The following PLCB4 variants were observed in gnomAD, a reference collection of about 807,000 sequenced individuals.
PLCB4 encodes 1-phosphatidylinositol 4,5-bisphosphate phosphodiesterase beta-4.
PLCB4 carries 77 observed loss-of-function variants against 178.8 expected under a neutral mutation model. The ratio of observed to expected loss-of-function variants is 0.43; its 90% CI spans 0.36 to 0.52. The LOEUF is 0.52. Among genes scored for constraint, PLCB4 ranks in the 20% least tolerant of loss-of-function variants. The pLI, the probability that PLCB4 is intolerant of heterozygous loss-of-function variation, is 0.00. For synonymous variants in PLCB4, 496 were observed against 490.8 expected, an observed-to-expected ratio of 1.01 and a Z score of -0.14; for missense variants, 1,024 against 1,453.4, an observed-to-expected ratio of 0.70 and a Z score of 4.80.
intron 28 of PLCB4, among the ~76,000 whole-genome samples, chr20:9,434,756 A>T (rs928499447): frequency 1.3e-5 from 2 of 152,208 alleles, no homozygotes; most frequent in African/African-American, 4.8e-5. Flanking sequence ...TGCCCCGTGT[A>T]CTGAGAATGT....
intron 2 of PLCB4, among the ~76,000 whole-genome samples, chr20:9,170,309 G>A (rs1320933385): frequency 6.6e-6 from 1 of 152,194 alleles, no homozygotes; most frequent in Non-Finnish European, 1.5e-5. Context: ...TATTTAGTTT[G>A]TTAGGACTAA....
In PLCB4 at chr20:9,472,907, C is replaced by T. The variant is rs114557080; in HGVS notation, c.3408+60C>T. Reference sequence around the variant, plus strand: ...TTAAAAAACTATAAACAATAACATGCTTAGCCACCAGATCTCTAGCTAATT... The same window carrying T: ...TTAAAAAACTATAAACAATAACATGTTTAGCCACCAGATCTCTAGCTAATT... On this transcript the variant is annotated intron_variant, in intron 37 of 39. Transcript: ENST00000378473. The T allele has an allele frequency of 2.3e-3, 2,180 of 945,072 alleles. 42 individuals are homozygous for T. The African/African-American group carries it at 0.032, about 14-fold the overall frequency. 58.5% of individuals were successfully genotyped at this position (945,072 alleles called of 1,614,324 possible). A position where few individuals can be genotyped will look rare whatever the true frequency, so the allele number is the denominator to read the frequency against.
chr20:9,408,599 A>G (rs1211291400), intron 22 of PLCB4, 34 bp from the exon 23 acceptor site: 1 of 1,049,540 alleles, frequency 9.5e-7, no homozygotes, highest in South Asian at 1.3e-5. Context: ...TTGATGGCAG[A>G]GTTCCTGAAT....
chr20:9,292,184 C>A (rs945374359), intron 3 of PLCB4, among the ~76,000 whole-genome samples: 7 of 152,198 alleles, frequency 4.6e-5, no homozygotes, highest in African/African-American at 1.7e-4. Flanking sequence ...CCGGAGGCAA[C>A]CTTCAGAGAG....
intron 3 of PLCB4, among the ~76,000 whole-genome samples, chr20:9,223,977 C>T (rs1387820474): frequency 6.6e-6 from 1 of 152,138 alleles, no homozygotes; most frequent in African/African-American, 2.4e-5. Flanking sequence ...GAATGGGATA[C>T]AATTTAAAGC....
chr20:9,210,040 T>C (rs2093657281), intron 2 of PLCB4, among the ~76,000 whole-genome samples: 1 of 151,026 alleles, frequency 6.6e-6, no homozygotes, highest in Non-Finnish European at 1.5e-5. Context: ...TACAGAGCTA[T>C]GAGCTAATGA....
intron 32 of PLCB4, among the ~76,000 whole-genome samples, chr20:9,445,917 A>G (rs1244849374): frequency 1.3e-5 from 2 of 152,162 alleles, no homozygotes; most frequent in Non-Finnish European, 2.9e-5. Flanking sequence ...TTGCATTTAA[A>G]TTGGATCTCT....
intron 32 of PLCB4, among the ~76,000 whole-genome samples, chr20:9,451,986 C>T (rs2042796921): frequency 3.3e-5 from 5 of 152,132 alleles, no homozygotes; most frequent in Admixed American, 3.3e-4. Flanking sequence ...ATTTATGGGG[C>T]ATTCCAATTA....
chr20:9,300,748 C>T (rs961201867), intron 3 of PLCB4, among the ~76,000 whole-genome samples: 1 of 152,114 alleles, frequency 6.6e-6, no homozygotes, highest in Admixed American at 6.6e-5. Context: ...AATGACCATT[C>T]CCTTCAAATC....
intron 2 of PLCB4, among the ~76,000 whole-genome samples, chr20:9,161,810 A>G (rs1480544215): frequency 6.6e-6 from 1 of 152,058 alleles, no homozygotes; most frequent in Non-Finnish European, 1.5e-5. Flanking sequence ...CACTTTTTAG[A>G]TTCTACAAAA....
intron 28 of PLCB4, among the ~76,000 whole-genome samples, chr20:9,427,574 G>A (rs1034218513): frequency 4.6e-5 from 7 of 152,180 alleles, no homozygotes; most frequent in Non-Finnish European, 8.8e-5. Flanking sequence ...CGAGTGCTGG[G>A]ATTATCTTTG....
At chr20:9,238,751 CA>C (rs2094022553) in intron 3 of PLCB4, among the ~76,000 whole-genome samples, 1 of 152,200 alleles carries the variant, frequency 6.6e-6, no homozygotes, top group African/African-American at 2.4e-5. Context: ...TGATTTGTAT[CA>C]AAAAGTACCC....
chr20:9,330,466 T>C (rs2031471772), intron 4 of PLCB4, among the ~76,000 whole-genome samples: 1 of 152,176 alleles, frequency 6.6e-6, no homozygotes, highest in East Asian at 1.9e-4. Flanking sequence ...CCAACAATCT[T>C]CTGGCGATAG....
chr20:9,268,801 T>C (rs2087811312), intron 3 of PLCB4, among the ~76,000 whole-genome samples: 1 of 152,230 alleles, frequency 6.6e-6, no homozygotes. Context: ...TCTTTTTTTA[T>C]TTTTATAATG....
intron 7 of PLCB4, among the ~76,000 whole-genome samples, chr20:9,339,267 A>G (rs765757434): frequency 6.6e-6 from 1 of 152,140 alleles, no homozygotes; most frequent in Non-Finnish European, 1.5e-5. Context: ...TAGGGATACT[A>G]GTCCAGCACT....
chr20:9,449,266 A>C lies in PLCB4; in HGVS notation c.2881-4081A>C, dbSNP rs976649. On this transcript the variant is annotated intron_variant, in intron 32 of 39. Transcript: ENST00000378473. ...GACAGGCATGCTTTTCAATTGTCCA[A>C]TGAGGTCAATTCCTTAGAGCCAAAA... Among the ~76,000 whole-genome samples the C allele has an allele frequency of 9.4e-3, 1,437 of 152,118 alleles. 18 individuals carry two copies. The highest frequency in any genetic ancestry group is 0.033 in the African/African-American group (1,363 of 41,464).
At position 9,437,064 on chromosome 20, in the gene PLCB4, C is replaced by G. The variant is rs34678819; in HGVS notation, c.2676C>G (p.Thr892=). 30 of 1,613,816 alleles carry G rather than the reference C, an allele frequency of 1.9e-5. No homozygotes were observed. The highest frequency in any genetic ancestry group is 5.0e-5 in the Admixed American group (3 of 59,994). The change falls in exon 30 of 40, where the codon ACC becomes ACG. Residue 892 remains threonine, a synonymous_variant. Transcript: ENST00000378473. ...ATGACAAGAAAGGAAAGGCCAACAC[C>G]GCCAAAGCAAATGTGACCCCTCAGA... is the stretch of plus-strand genomic sequence containing the variant. The part of the protein sequence containing the change: ...SKNDKKGKAN[T]AKANVTPQSS...
intron 3 of PLCB4, among the ~76,000 whole-genome samples, chr20:9,306,937 C>T (rs77893329): frequency 0.015 from 2,247 of 152,226 alleles, 23 homozygotes; most frequent in Non-Finnish European, 0.022. Context: ...TGTCCCACAG[C>T]CATGAAAATT....
chr20:9,397,011 TTTTCACAAAA>T, intron 19 of PLCB4, among the ~76,000 whole-genome samples: 1 of 152,318 alleles, frequency 6.6e-6, no homozygotes, highest in East Asian at 1.9e-4. Flanking sequence ...TTGACCCTTC[TTTTCACAAAA>T]GATTTCTCTG....
Sources: allele counts gnomAD v4.1 joint callset (sites outside exome capture counted in the v4.1 genomes callset), GRCh38; gene constraint gnomAD v4.1.1; transcripts MANE v1.5; gene names NCBI Gene and HGNC (gene_info 2026-07-23, HGNC 2026-07-21).